The following SH3BGRL2 variants were observed in gnomAD, a reference collection of about 807,000 sequenced individuals.
SH3BGRL2 encodes SH3 domain binding glutamate rich protein like 2, also known as SH3 domain-binding glutamic acid-rich-like protein 2.
SH3BGRL2 carries 21 observed loss-of-function variants against 14.8 expected under a neutral mutation model. The ratio of observed to expected loss-of-function variants is 1.42; its 90% CI spans 1.01 to 2.05. The LOEUF (loss-of-function observed/expected upper bound fraction) is 2.05. SH3BGRL2 is among the 30% of genes most tolerant of loss of function. The pLI is 0.00. For synonymous variants in SH3BGRL2, 50 were observed against 47.8 expected (o/e 1.05, Z -0.19); for missense variants, 147 against 130.8 (o/e 1.12, Z -0.61).
intron 1 of SH3BGRL2, among the ~76,000 whole-genome samples, chr6:79,661,577 C>T (rs930249705): frequency 7.2e-5 from 11 of 151,964 alleles, no homozygotes; most frequent in South Asian, 4.2e-4. Flanking sequence ...AGAATAAGTG[C>T]GATATGGTGC....
At chr6:79,687,437 A>T (rs1770118723) in intron 2 of SH3BGRL2, among the ~76,000 whole-genome samples, 1 of 152,112 alleles carries the variant, frequency 6.6e-6, no homozygotes, top group African/African-American at 2.4e-5. Flanking sequence ...CAGAACTATT[A>T]AACATGAATT....
intron 2 of SH3BGRL2, among the ~76,000 whole-genome samples, chr6:79,683,648 C>T (rs1311458400): frequency 1.3e-5 from 2 of 152,056 alleles, no homozygotes; most frequent in Non-Finnish European, 2.9e-5. Flanking sequence ...GGGGTTTCAC[C>T]ATGTTTGCCA....
At chr6:79,687,985 G>C (rs1445933165) in intron 2 of SH3BGRL2, among the ~76,000 whole-genome samples, 1 of 152,158 alleles carries the variant, frequency 6.6e-6, no homozygotes, top group Non-Finnish European at 1.5e-5. Context: ...CAGAGACACT[G>C]AAAGGGCAAA....
intron 1 of SH3BGRL2, among the ~76,000 whole-genome samples, chr6:79,672,825 C>T (rs2127733052): frequency 6.6e-6 from 1 of 152,190 alleles, no homozygotes; most frequent in Non-Finnish European, 1.5e-5. Context: ...CATCTGACCC[C>T]TAGTGACTGA....
At chr6:79,588,289 TAAA>T in the SH3BGRL2 span, among the ~76,000 whole-genome samples, 4,081 of 124,008 alleles carry the variant, frequency 0.033, 83 homozygotes, top group Middle Eastern at 0.056. Context: ...AGACTCTGTC[TAAA>T]AAAAAAAAAA....
At chr6:79,668,361 A>T (rs1351848529) in intron 1 of SH3BGRL2, among the ~76,000 whole-genome samples, 1 of 152,066 alleles carries the variant, frequency 6.6e-6, no homozygotes, top group Non-Finnish European at 1.5e-5. Flanking sequence ...GAAGGTTCCA[A>T]GTGTCTTCAC....
chr6:79,625,146 C>T, the SH3BGRL2 span, among the ~76,000 whole-genome samples: 1 of 151,728 alleles, frequency 6.6e-6, no homozygotes, highest in African/African-American at 2.4e-5. Context: ...GCACTCCAAG[C>T]TGAGAAACAG....
At chr6:79,684,650 G>A (rs376268899) in intron 2 of SH3BGRL2, among the ~76,000 whole-genome samples, 11 of 152,116 alleles carry the variant, frequency 7.2e-5, no homozygotes, top group African/African-American at 1.9e-4. Context: ...CAGACTGTGC[G>A]CATTCCCATT....
At chr6:79,651,508 G>A (rs577299527) in intron 1 of SH3BGRL2, among the ~76,000 whole-genome samples, 1 of 152,236 alleles carries the variant, frequency 6.6e-6, no homozygotes, top group South Asian at 2.1e-4. Flanking sequence ...ACATCACTAA[G>A]TATTAAGGTT....
intron 2 of SH3BGRL2, among the ~76,000 whole-genome samples, chr6:79,695,537 CA>C (rs1770313976): frequency 6.6e-6 from 1 of 152,186 alleles, no homozygotes; most frequent in Non-Finnish European, 1.5e-5. Flanking sequence ...GGGCAGGATG[CA>C]CCCTAGAGTA....
upstream of SH3BGRL2, among the ~76,000 whole-genome samples, chr6:79,630,020 ACATTTATGGTAG>A (rs1452814474): frequency 6.6e-6 from 1 of 152,232 alleles, no homozygotes; most frequent in Non-Finnish European, 1.5e-5. Context: ...GTGCATTTCC[ACATTTATGGTAG>A]CAAAATTAAA....
chr6:79,622,736 G>A, the SH3BGRL2 span, among the ~76,000 whole-genome samples: 1 of 152,240 alleles, frequency 6.6e-6, no homozygotes, highest in African/African-American at 2.4e-5. Flanking sequence ...TTAAGTCATT[G>A]GGTTTTTAGG....
At chr6:79,625,184 AT>A in the SH3BGRL2 span, among the ~76,000 whole-genome samples, 80 of 146,660 alleles carry the variant, frequency 5.5e-4, no homozygotes, top group African/African-American at 1.8e-3. Context: ...ATTAAAAAAA[AT>A]ATATATATAC....
intron 1 of SH3BGRL2, among the ~76,000 whole-genome samples, chr6:79,663,274 T>G (rs1308580440): frequency 6.6e-6 from 1 of 152,360 alleles, no homozygotes; most frequent in Middle Eastern, 3.4e-3. Flanking sequence ...TCTCCCCATC[T>G]TTGTGGTTCT....
the SH3BGRL2 span, among the ~76,000 whole-genome samples, chr6:79,580,577 A>G: frequency 6.6e-6 from 1 of 152,226 alleles, no homozygotes; most frequent in African/African-American, 2.4e-5. Context: ...AGAAATAAAG[A>G]TGTTCTTTGA....
Position 79,703,604 on chromosome 6 carries a change from C to G in SH3BGRL2, c.*4095C>G, listed in dbSNP as rs1477630566. The stretch of plus-strand genomic sequence containing the variant: ...ACCATAGCCTTCTTGTCTTTCATCA[C>G]TTTATCTCCATGTATGTATCCTTAA... On this transcript the variant is annotated 3_prime_UTR_variant, in exon 4 of 4. Coordinates refer to ENST00000369838, the MANE Select transcript of SH3BGRL2 (RefSeq NM_031469.4). 1 of 152,122 alleles carries G rather than the reference C, an allele frequency of 6.6e-6. No individual in the cohort carries two copies. The highest frequency in any genetic ancestry group is 1.9e-4 in the East Asian group (1 of 5,190). 9.4% of individuals were successfully genotyped at this position (152,122 alleles called of 1,614,324 possible).
chr6:79,622,107 G>A, the SH3BGRL2 span, among the ~76,000 whole-genome samples: 1 of 152,144 alleles, frequency 6.6e-6, no homozygotes, highest in South Asian at 2.1e-4. Flanking sequence ...CTTGTTATGT[G>A]AAAGAATCAA....
chr6:79,667,447 G>GT (rs58887010), intron 1 of SH3BGRL2, among the ~76,000 whole-genome samples: 120,676 of 147,068 alleles, frequency 0.82, 49,435 homozygotes, highest in East Asian at 0.97. Context: ...TTTAGGCTAA[G>GT]TTTTTTTTTT....
the SH3BGRL2 span, among the ~76,000 whole-genome samples, chr6:79,583,267 C>T: frequency 1.7e-4 from 26 of 152,192 alleles, no homozygotes; most frequent in African/African-American, 6.3e-4. Context: ...TTTGACCCAG[C>T]CATCCCATTA....
Sources: gnomAD v4.1 joint callset for allele counts (sites outside exome capture counted in the v4.1 genomes callset) on GRCh38, gnomAD v4.1.1 for gene constraint, MANE v1.5 for transcripts, NCBI Gene and HGNC (gene_info 2026-07-23, HGNC 2026-07-21) for gene names.